Variants in GAB2 observed in about 807,000 individuals in gnomAD.
GAB2 encodes GRB2-associated-binding protein 2.
GAB2 carries 26 observed loss-of-function variants against 65.5 expected under a neutral mutation model. The ratio of observed to expected loss-of-function variants is 0.40; its 90% CI spans 0.29 to 0.55. The LOEUF is 0.55. GAB2 is among the 20% of genes least tolerant of loss of function. The pLI is 0.53. For missense variants in GAB2, 884 were observed against 875.8 expected, an observed-to-expected ratio of 1.01 and a Z score of -0.12; for synonymous variants, 321 against 329.6, an observed-to-expected ratio of 0.97 and a Z score of 0.28.
intron 1 of GAB2, among the ~76,000 whole-genome samples, chr11:78,406,626 C>T (rs144978901): frequency 7.4e-4 from 112 of 152,246 alleles, no homozygotes; most frequent in African/African-American, 2.6e-3. Context: ...GACTCACCTG[C>T]CTTGGCCTCC....
intron 2 of GAB2, among the ~76,000 whole-genome samples, chr11:78,268,382 T>C (rs1056950579): frequency 6.6e-6 from 1 of 152,146 alleles, no homozygotes; most frequent in African/African-American, 2.4e-5. Flanking sequence ...GCGCTACACA[T>C]AACCGGATGT....
intron 9 of GAB2, 55 bp from the exon 10 acceptor site, chr11:78,219,470 G>A: frequency 6.4e-7 from 1 of 1,557,014 alleles, no homozygotes; most frequent in Non-Finnish European, 8.8e-7. Flanking sequence ...GTTAGGTGGG[G>A]AGGAAGAAGG....
chr11:78,265,747 A>G (rs1865858739), intron 2 of GAB2, among the ~76,000 whole-genome samples: 1 of 152,162 alleles, frequency 6.6e-6, no homozygotes, highest in African/African-American at 2.4e-5. Context: ...ATGTTTCAAT[A>G]TACAGAATTT....
chr11:78,385,478 A>G (rs1856754741), intron 1 of GAB2, among the ~76,000 whole-genome samples: 1 of 152,246 alleles, frequency 6.6e-6, no homozygotes, highest in African/African-American at 2.4e-5. Context: ...ATAGATGCTC[A>G]TGGTATGGGA....
intron 2 of GAB2, among the ~76,000 whole-genome samples, chr11:78,267,864 A>AAAAAAAAAAAAAAAAAAAAG (rs1865909550): frequency 6.7e-6 from 1 of 150,116 alleles, no homozygotes; most frequent in Non-Finnish European, 1.5e-5. Context: ...TCTCAAAAAA[A>AAAAAAAAAAAAAAAAAAAAG]AAAAAAAAAA....
intron 4 of GAB2, 87 bp downstream of exon 4, chr11:78,226,378 C>T: frequency 9.4e-7 from 1 of 1,068,024 alleles, no homozygotes; most frequent in Non-Finnish European, 1.5e-6. Context: ...TTCCCCTCGG[C>T]CATGGATGAC....
intron 1 of GAB2, among the ~76,000 whole-genome samples, chr11:78,302,532 T>C (rs1455698046): frequency 2.1e-5 from 3 of 145,486 alleles, no homozygotes; most frequent in Non-Finnish European, 4.5e-5. Context: ...ACAAAACAGA[T>C]GTTGGCATCG....
rs565992277 is a variant in GAB2 at position 78,217,164 on chromosome 11, C to T, written c.*2108G>A. 1 of 152,640 alleles carries T rather than the reference C, an allele frequency of 6.6e-6. No individual in the cohort carries two copies. Among genetic ancestry groups the T allele is most frequent in the South Asian group, 2.1e-4 (1 of 4,828 alleles). The allele number at this position is 152,640 out of a possible 1,614,324, so 9.5% of individuals were successfully genotyped here. A position where few individuals can be genotyped will look rare whatever the true frequency, so the allele number is the denominator to read the frequency against. On this transcript the variant is annotated 3_prime_UTR_variant, in exon 10 of 10. Transcript: ENST00000361507. ...CCCCCACTCCTGCCTCTGACACCAA[C>T]CTCCCTAAGTACTTCCTCTGCCCTC...
At chr11:78,378,410 A>C (rs924189820) in intron 1 of GAB2, among the ~76,000 whole-genome samples, 6 of 152,150 alleles carry the variant, frequency 3.9e-5, no homozygotes, top group Non-Finnish European at 8.8e-5. Context: ...TTCTTGCTTA[A>C]ATTTACCTGA....
At chr11:78,275,806 C>G (rs2134575449) in intron 2 of GAB2, among the ~76,000 whole-genome samples, 1 of 151,996 alleles carries the variant, frequency 6.6e-6, no homozygotes, top group East Asian at 1.9e-4. Flanking sequence ...ATATCTATAT[C>G]TATATATATG....
rs563203103 is a variant in GAB2 at position 78,295,850 on chromosome 11, C to T, written c.76-14949G>A. ...GAGAGTAAGATGAGTATAGGTGACT[C>T]TTGTTATTTCTGGTAGTTATGGTCT... On this transcript the variant is annotated intron_variant, in intron 1 of 9. Transcript: ENST00000361507. Among the ~76,000 whole-genome samples, 3 of 152,194 alleles carry T rather than the reference C, an allele frequency of 2.0e-5. No individual in the cohort carries two copies. The South Asian group carries it at 6.2e-4, about 32-fold the overall frequency.
At chr11:78,361,402 C>T (rs1856432816) in intron 1 of GAB2, among the ~76,000 whole-genome samples, 2 of 151,936 alleles carry the variant, frequency 1.3e-5, no homozygotes, top group South Asian at 2.1e-4. Context: ...CATGGCAACA[C>T]GGACACACCC....
chr11:78,367,779 C>T (rs1444508040), intron 1 of GAB2, among the ~76,000 whole-genome samples: 1 of 150,912 alleles, frequency 6.6e-6, no homozygotes, highest in Non-Finnish European at 1.5e-5. Context: ...TGAGCTCCTT[C>T]AGAAAACATC....
intron 1 of GAB2, among the ~76,000 whole-genome samples, chr11:78,408,639 CA>C (rs1016335184): frequency 7.2e-5 from 11 of 152,146 alleles, no homozygotes; most frequent in African/African-American, 2.4e-4. Flanking sequence ...TGTCCCTGCC[CA>C]AATCTGAGGT....
chr11:78,386,678 G>A (rs1037038091), intron 1 of GAB2, among the ~76,000 whole-genome samples: 1 of 152,172 alleles, frequency 6.6e-6, no homozygotes, highest in Non-Finnish European at 1.5e-5. Flanking sequence ...GGCAAGGAGG[G>A]CCCTGTGACC....
chr11:78,258,904 C>T (rs550559887), intron 2 of GAB2, among the ~76,000 whole-genome samples: 3 of 152,006 alleles, frequency 2.0e-5, no homozygotes, highest in Non-Finnish European at 2.9e-5. Flanking sequence ...CAGGGGTACA[C>T]GTGCATGTTT....
intron 1 of GAB2, among the ~76,000 whole-genome samples, chr11:78,390,145 T>C (rs556781521): frequency 9.8e-5 from 15 of 152,326 alleles, no homozygotes; most frequent in South Asian, 6.2e-4. Context: ...AAAACCTTGA[T>C]ATGGAAGTTC....
Position 78,250,219 on chromosome 11 carries a change from G to C in GAB2, c.558C>G (p.Thr186=). The C allele has an allele frequency of 6.2e-7, 1 of 1,613,350 alleles. No homozygotes were observed. The highest frequency in any genetic ancestry group is 8.5e-7 in the Non-Finnish European group (1 of 1,179,876). The change falls in exon 3 of 10, where the codon ACC becomes ACG. Residue 186 remains threonine, a synonymous_variant. Coordinates refer to ENST00000361507, the MANE Select transcript of GAB2 (RefSeq NM_080491.3). The part of the protein sequence containing the change: ...VSNHMQPTLS[T]SAPQEYLYLH... ...AGTAGAGATACTCCTGAGGTGCGCT[G>C]GTGGACAAGGTGGGCTGCATGTGGT... is the stretch of plus-strand genomic sequence containing the variant.
At chr11:78,276,722 T>G (rs1866180633) in intron 2 of GAB2, among the ~76,000 whole-genome samples, 1 of 152,276 alleles carries the variant, frequency 6.6e-6, no homozygotes, top group African/African-American at 2.4e-5. Flanking sequence ...CAAGCTCAGA[T>G]AATGTAGTTT....
Sources: gnomAD v4.1 joint callset for allele counts (sites outside exome capture counted in the v4.1 genomes callset) on GRCh38, gnomAD v4.1.1 for gene constraint, MANE v1.5 for transcripts, NCBI Gene and HGNC (gene_info 2026-07-23, HGNC 2026-07-21) for gene names.